Variants in SPIDR observed in about 807,000 individuals in gnomAD.
SPIDR encodes scaffold protein involved in DNA repair, also known as DNA repair-scaffolding protein.
A neutral mutation model predicts 104.6 loss-of-function variants in SPIDR; 93 were observed. That is an observed-to-expected ratio of 0.89 (90% CI 0.75 to 1.06). The LOEUF is 1.06. SPIDR is among the 50% of genes least tolerant of loss of function. The pLI is 0.00. For synonymous variants in SPIDR, 431 were observed against 416.9 expected, an observed-to-expected ratio of 1.03 and a Z score of -0.41; for missense variants, 1,154 against 1,111.2, an observed-to-expected ratio of 1.04 and a Z score of -0.55.
intron 8 of SPIDR, among the ~76,000 whole-genome samples, chr8:47,506,630 A>T (rs1302983784): frequency 6.6e-6 from 1 of 152,132 alleles, no homozygotes; most frequent in African/African-American, 2.4e-5. Flanking sequence ...ATGCATAATT[A>T]TTAGACTTCT....
chr8:47,722,044 C>A (rs1031903437), intron 16 of SPIDR, among the ~76,000 whole-genome samples: 1 of 152,104 alleles, frequency 6.6e-6, no homozygotes, highest in African/African-American at 2.4e-5. Flanking sequence ...TTTATATCTT[C>A]TTTGATATCT....
chr8:47,351,839 A>G (rs1351095090), intron 5 of SPIDR, among the ~76,000 whole-genome samples: 2 of 152,204 alleles, frequency 1.3e-5, no homozygotes, highest in African/African-American at 4.8e-5. Context: ...ATCATTTTAG[A>G]TCAGGAACTT....
At chr8:47,412,795 G>A (rs1029674192) in intron 7 of SPIDR, among the ~76,000 whole-genome samples, 1 of 152,160 alleles carries the variant, frequency 6.6e-6, no homozygotes, top group African/African-American at 2.4e-5. Flanking sequence ...TGGAACTGGA[G>A]TGACCACTGT....
Position 47,601,640 on chromosome 8 carries a change from C to G in SPIDR, c.1544+2444C>G, listed in dbSNP as rs1022037649. On this transcript the variant is annotated intron_variant, in intron 10 of 19. Coordinates refer to ENST00000297423, the MANE Select transcript of SPIDR (RefSeq NM_001080394.4). ...ACAGGGAGGCGGAGGTTGCAGTGAG[C>G]CAAGATCGTGCCACTGCACTCCAGC... 2.6e-5 allele frequency among the ~76,000 whole-genome samples: 4 copies of G among 152,266 alleles called. No homozygotes were observed. In the South Asian group the frequency reaches 8.3e-4, roughly 32 times the overall value.
chr8:47,450,072 G>C (rs1288843206), intron 8 of SPIDR, among the ~76,000 whole-genome samples: 1 of 152,110 alleles, frequency 6.6e-6, no homozygotes, highest in Non-Finnish European at 1.5e-5. Context: ...GCTGAGGTGG[G>C]AGAATCACCT....
intron 19 of SPIDR, among the ~76,000 whole-genome samples, chr8:47,734,151 C>T (rs930770605): frequency 1.3e-5 from 2 of 152,158 alleles, no homozygotes; most frequent in Admixed American, 6.5e-5. Flanking sequence ...TTAGCGGGTG[C>T]CCCCAAGGCC....
chr8:47,334,453 T>C (rs1449827623), intron 5 of SPIDR, among the ~76,000 whole-genome samples: 1 of 152,234 alleles, frequency 6.6e-6, no homozygotes, highest in Non-Finnish European at 1.5e-5. Flanking sequence ...GATAGGTATA[T>C]ACATGTAAAG....
rs567831419 is a variant in SPIDR, at chr8:47,374,735, C to A, written c.526-21641C>A. 2.6e-5 allele frequency among the ~76,000 whole-genome samples: 4 copies of A among 152,098 alleles called. No homozygotes were observed. In the South Asian group the frequency reaches 8.3e-4, roughly 32 times the overall value. The stretch of plus-strand genomic sequence containing the variant: ...ACCTAATTTAATCAAGGAGACAAAG[C>A]CTTCTGTTTCAAGAATGTGATTTTA... On this transcript the variant is annotated intron_variant, in intron 5 of 19. Coordinates refer to ENST00000297423, the MANE Select transcript of SPIDR (RefSeq NM_001080394.4).
At chr8:47,466,382 A>G (rs548316726) in intron 8 of SPIDR, among the ~76,000 whole-genome samples, 1 of 152,234 alleles carries the variant, frequency 6.6e-6, no homozygotes, top group East Asian at 1.9e-4. Flanking sequence ...TCAAAACCGT[A>G]CAATTACATG....
At chr8:47,593,751 C>A (rs115242803) in intron 8 of SPIDR, among the ~76,000 whole-genome samples, 1 of 152,080 alleles carries the variant, frequency 6.6e-6, no homozygotes, top group Non-Finnish European at 1.5e-5. Context: ...GGGAGAGACT[C>A]CTTGTTCCTG....
chr8:47,720,192 G>A (rs1001975395), intron 16 of SPIDR, among the ~76,000 whole-genome samples: 5 of 152,170 alleles, frequency 3.3e-5, no homozygotes, highest in African/African-American at 7.2e-5. Flanking sequence ...GCTTGATAGC[G>A]CATTTCTTTT....
intron 8 of SPIDR, among the ~76,000 whole-genome samples, chr8:47,495,818 C>T (rs1346485677): frequency 1.3e-5 from 2 of 152,102 alleles, no homozygotes; most frequent in East Asian, 1.9e-4. Flanking sequence ...TTTCTTGGCA[C>T]TCTTGTTGAA....
At chr8:47,292,706 G>C (rs2040135044) in intron 4 of SPIDR, among the ~76,000 whole-genome samples, 1 of 152,122 alleles carries the variant, frequency 6.6e-6, no homozygotes, top group Non-Finnish European at 1.5e-5. Context: ...GACCACAAAA[G>C]TTTTGTGACG....
intron 1 of SPIDR, among the ~76,000 whole-genome samples, chr8:47,263,973 T>C (rs2033245555): frequency 6.6e-6 from 1 of 152,244 alleles, no homozygotes; most frequent in Non-Finnish European, 1.5e-5. Flanking sequence ...ATACCTGTCA[T>C]ATCCCTTGTA....
intron 8 of SPIDR, among the ~76,000 whole-genome samples, chr8:47,496,748 A>C (rs1177043973): frequency 6.7e-6 from 1 of 149,188 alleles, no homozygotes; most frequent in Non-Finnish European, 1.5e-5. Flanking sequence ...AGTTTGTAAA[A>C]GATTGTTATG....
intron 2 of SPIDR, 24 bp from the exon 3 acceptor site, chr8:47,284,004 C>T (rs2038323707): frequency 5.1e-6 from 8 of 1,565,102 alleles, no homozygotes; most frequent in East Asian, 2.2e-5. Flanking sequence ...CACATAAATT[C>T]CATGATTATT....
intron 5 of SPIDR, among the ~76,000 whole-genome samples, chr8:47,347,421 C>G (rs1554619056): frequency 6.6e-6 from 1 of 152,170 alleles, no homozygotes; most frequent in Admixed American, 6.5e-5. Flanking sequence ...AATGTATTTT[C>G]TGTTGATTTT....
chr8:47,735,805 A>T lies in SPIDR; in HGVS notation c.*355A>T, dbSNP rs754344216. The T allele has an allele frequency of 6.7e-6, 3 of 449,936 alleles. No individual in the cohort carries two copies. Among genetic ancestry groups the T allele is most frequent in the Non-Finnish European group, 1.2e-5 (3 of 250,444 alleles). The allele number at this position is 449,936 out of a possible 1,614,324, so 27.9% of individuals were successfully genotyped here. ...GTTGAACATTTTACCATGATTGAACATGTTTTTATTACAGTATTTAACATT... is the reference window on the plus strand; with the variant it reads ...GTTGAACATTTTACCATGATTGAACTTGTTTTTATTACAGTATTTAACATT... On this transcript the variant is annotated 3_prime_UTR_variant, in exon 20 of 20. Transcript: ENST00000297423.
At chr8:47,281,257 G>A (rs2154221785) in intron 2 of SPIDR, among the ~76,000 whole-genome samples, 1 of 152,300 alleles carries the variant, frequency 6.6e-6, no homozygotes, top group South Asian at 2.1e-4. Flanking sequence ...GATGCTGATG[G>A]CTGCTGACTG....
Sources: gnomAD v4.1 joint callset for allele counts (sites outside exome capture counted in the v4.1 genomes callset) on GRCh38, gnomAD v4.1.1 for gene constraint, MANE v1.5 for transcripts, NCBI Gene and HGNC (gene_info 2026-07-23, HGNC 2026-07-21) for gene names.